Variants in ANKHD1 observed in about 807,000 individuals in gnomAD.
The protein encoded by ANKHD1 is ankyrin repeat and KH domain containing 1, also known as ankyrin repeat and KH domain-containing protein 1.
ANKHD1 carries 31 observed loss-of-function variants against 230.5 expected under a neutral mutation model. The observed-to-expected ratio is 0.13, with a 90% CI of 0.10 to 0.18. The LOEUF (loss-of-function observed/expected upper bound fraction) is 0.18. Ranked by LOEUF, ANKHD1 falls within the 10% of genes least tolerant of loss-of-function variation. The pLI is 1.00. For synonymous variants in ANKHD1, 1,074 were observed against 1,117.6 expected, an observed-to-expected ratio of 0.96 and a Z score of 0.78; for missense variants, 2,256 against 3,071.3, an observed-to-expected ratio of 0.73 and a Z score of 6.27.
Position 140,417,833 on chromosome 5 carries a change from C to CTT in ANKHD1, c.306+15580_306+15581dup, listed in dbSNP as rs35322010. ...GTACAAGGAACTTTTCCCATATAGT[C>CTT]TTTTTTTTTTTTTTTTTTTTTGAGA... On this transcript the variant is annotated intron_variant, in intron 1 of 33. Coordinates refer to ENST00000360839, the MANE Select transcript of ANKHD1 (RefSeq NM_017747.3). Among the ~76,000 whole-genome samples the CTT allele has an allele frequency of 8.2e-3, 878 of 106,796 alleles. 22 individuals carry two copies. Among genetic ancestry groups the CTT allele is most frequent in the African/African-American group, 0.015 (403 of 27,610 alleles). The allele number at this position is 106,796 out of a possible 152,430, so 70.1% of individuals were successfully genotyped here.
At chr5:140,472,230 C>A in intron 10 of ANKHD1, 1 of 1,610,300 alleles carries the variant, frequency 6.2e-7, no homozygotes, top group African/African-American at 1.3e-5. Context: ...CTTCTTTTTC[C>A]TTTCGCAGGA....
At chr5:140,482,541 G>A (rs1751331022) in intron 10 of ANKHD1, 39 bp from the exon 11 acceptor site, 1 of 1,600,204 alleles carries the variant, frequency 6.2e-7, no homozygotes, top group Non-Finnish European at 8.5e-7. Context: ...TGGTTAGACT[G>A]TTGGCATTGA....
At chr5:140,458,965 T>TATATATATGC (rs1775450664) in intron 8 of ANKHD1, 103 bp downstream of exon 8, 2 of 26,176 alleles carry the variant, frequency 7.6e-5, no homozygotes, top group African/African-American at 3.3e-4. Context: ...TATATATATA[T>TATATATATGC]ATATATATAT....
intron 1 of ANKHD1, among the ~76,000 whole-genome samples, chr5:140,428,850 T>C (rs1772777549): frequency 6.6e-6 from 1 of 151,898 alleles, no homozygotes; most frequent in African/African-American, 2.4e-5. Flanking sequence ...TGGCGCGATC[T>C]TGGCTCACTG....
chr5:140,419,774 T>TTTTC (rs199550424), intron 1 of ANKHD1, among the ~76,000 whole-genome samples: 1,874 of 86,784 alleles, frequency 0.022, 16 homozygotes, highest in East Asian at 0.035. Flanking sequence ...TTTCCTTTCT[T>TTTTC]TTTCTTTCTT....
chr5:140,443,667 G>T (rs1003000290), intron 5 of ANKHD1, among the ~76,000 whole-genome samples: 2 of 150,260 alleles, frequency 1.3e-5, no homozygotes, highest in African/African-American at 4.9e-5. Flanking sequence ...GCGACAGAGC[G>T]AGACTCCGTC....
chr5:140,403,375 G>A (rs573242420), intron 1 of ANKHD1, among the ~76,000 whole-genome samples: 1 of 152,086 alleles, frequency 6.6e-6, no homozygotes, highest in East Asian at 1.9e-4. Context: ...GGGATGGTAG[G>A]CATTAACTTC....
chr5:140,456,314 C>G (rs1355905511), intron 7 of ANKHD1, among the ~76,000 whole-genome samples: 2 of 152,132 alleles, frequency 1.3e-5, no homozygotes, highest in Non-Finnish European at 2.9e-5. Flanking sequence ...CAATGCCATC[C>G]CCATCAAGCT....
At chr5:140,450,403 C>T (rs144420272) in intron 7 of ANKHD1, among the ~76,000 whole-genome samples, 23 of 151,722 alleles carry the variant, frequency 1.5e-4, no homozygotes, top group African/African-American at 4.4e-4. Flanking sequence ...AAGTGATTCT[C>T]GTGCATCAGC....
At chr5:140,508,814 A>G (rs1255209327) in intron 20 of ANKHD1, among the ~76,000 whole-genome samples, 3 of 145,058 alleles carry the variant, frequency 2.1e-5, no homozygotes, top group Non-Finnish European at 4.5e-5. Context: ...GATAATCTCC[A>G]TAGATGCAGG....
intron 15 of ANKHD1, among the ~76,000 whole-genome samples, chr5:140,499,287 C>T (rs2127040990): frequency 6.6e-6 from 1 of 151,948 alleles, no homozygotes; most frequent in South Asian, 2.1e-4. Flanking sequence ...ATAAATAAGG[C>T]AAGGGTGAAT....
intron 24 of ANKHD1, among the ~76,000 whole-genome samples, chr5:140,515,246 C>G (rs1016802028): frequency 1.3e-5 from 2 of 151,598 alleles, no homozygotes; most frequent in East Asian, 1.9e-4. Context: ...CCACTACACT[C>G]TAGCCTGGGT....
At chr5:140,448,837 T>C (rs1774484839) in intron 6 of ANKHD1, among the ~76,000 whole-genome samples, 1 of 152,238 alleles carries the variant, frequency 6.6e-6, no homozygotes, top group Admixed American at 6.5e-5. Flanking sequence ...AGTGGGTTTA[T>C]GGTTATTTTA....
Position 140,419,309 on chromosome 5 carries a change from G to GTT in ANKHD1, c.307-16788_307-16787dup, listed in dbSNP as rs70988760. Among the ~76,000 whole-genome samples the GTT allele has an allele frequency of 1.6e-3, 245 of 150,862 alleles. 1 individual carries two copies. Among genetic ancestry groups the GTT allele is most frequent in the Non-Finnish European group, 3.0e-3 (204 of 67,724 alleles). On this transcript the variant is annotated intron_variant, in intron 1 of 33. Coordinates refer to ENST00000360839, the MANE Select transcript of ANKHD1 (RefSeq NM_017747.3). ...TTCAAATATTTTTCCTGTTGATTGG[G>GTT]TTTTTTTTATAGCTATGTGTTTGTT...
At chr5:140,449,742 G>T (rs2126942009) in intron 7 of ANKHD1, among the ~76,000 whole-genome samples, 1 of 135,326 alleles carries the variant, frequency 7.4e-6, no homozygotes, top group South Asian at 2.4e-4. Context: ...GTTGATGCTT[G>T]AATGCATCTG....
At position 140,524,099 on chromosome 5, in the gene ANKHD1, G is replaced by T; in HGVS notation, c.4351G>T (p.Ala1451Ser). The change falls in exon 25 of 34, where the codon GCT (alanine) becomes TCT (serine). Residue 1451 changes from alanine (A) to serine (S), a missense_variant. Coordinates refer to ENST00000360839, the MANE Select transcript of ANKHD1 (RefSeq NM_017747.3). ...REESRKQALAAKREKRKEKRK... is the reference protein window; with the variant it reads ...REESRKQALASKREKRKEKRK... ...AGAGAGCAGAAAGCAGGCTCTTGCT[G>T]CTAAAAGAGAAAAAAGAAAAGAAAA... 1 of 1,589,676 alleles carries T rather than the reference G, an allele frequency of 6.3e-7. No individual in the cohort carries two copies. The highest frequency in any genetic ancestry group is 8.5e-7 in the Non-Finnish European group (1 of 1,173,780).
intron 9 of ANKHD1, 64 bp from the exon 10 acceptor site, chr5:140,464,603 A>G: frequency 1.5e-6 from 2 of 1,358,124 alleles, no homozygotes; most frequent in East Asian, 5.2e-5. Flanking sequence ...CCAGATTGCA[A>G]AATTGGACTA....
chr5:140,408,891 GCT>G (rs1770698482), intron 1 of ANKHD1, among the ~76,000 whole-genome samples: 1 of 152,044 alleles, frequency 6.6e-6, no homozygotes, highest in South Asian at 2.1e-4. Context: ...ACAATACTTG[GCT>G]AGTATGATCT....
chr5:140,438,731 G>C, intron 3 of ANKHD1, 114 bp downstream of exon 3: 1 of 1,353,596 alleles, frequency 7.4e-7, no homozygotes, highest in Admixed American at 2.8e-5. Flanking sequence ...TAGCTGAAAG[G>C]ATATTACATT....
Sources: allele counts gnomAD v4.1 joint callset (sites outside exome capture counted in the v4.1 genomes callset), GRCh38; gene constraint gnomAD v4.1.1; transcripts MANE v1.5; gene names NCBI Gene and HGNC (gene_info 2026-07-23, HGNC 2026-07-21).